Variants in CCDC73 observed in about 807,000 individuals in gnomAD.
CCDC73 encodes coiled-coil domain-containing protein 73.
In CCDC73, 95 loss-of-function variants were observed where a neutral mutation model predicts 116.5. The ratio of observed to expected loss-of-function variants is 0.82; its 90% CI spans 0.69 to 0.97. The LOEUF (loss-of-function observed/expected upper bound fraction) is 0.97. CCDC73 is among the 50% of genes least tolerant of loss of function. The pLI is 0.00. For synonymous variants in CCDC73, 398 were observed against 401.3 expected (o/e 0.99, Z 0.10); for missense variants, 1,066 against 1,206.8 (o/e 0.88, Z 1.73).
At chr11:32,670,654 T>C (rs1856030452) in intron 9 of CCDC73, among the ~76,000 whole-genome samples, 2 of 152,208 alleles carry the variant, frequency 1.3e-5, no homozygotes, top group Non-Finnish European at 2.9e-5. Context: ...TGGCTTTTAA[T>C]TCTCTACATA....
intron 6 of CCDC73, among the ~76,000 whole-genome samples, chr11:32,690,681 C>T (rs1165145667): frequency 1.3e-5 from 2 of 152,148 alleles, no homozygotes; most frequent in Admixed American, 6.5e-5. Flanking sequence ...CTTACTTCCC[C>T]GCCCGCCATG....
chr11:32,699,060 T>C (rs1849786460), intron 6 of CCDC73, among the ~76,000 whole-genome samples, 191 bp downstream of exon 6: 1 of 151,752 alleles, frequency 6.6e-6, no homozygotes, highest in African/African-American at 2.4e-5. Flanking sequence ...TAATATTTCT[T>C]TTTAAAATAA....
At position 32,614,513 on chromosome 11, in the gene CCDC73, T is replaced by C. The variant is rs780868326; in HGVS notation, c.1805A>G (p.Lys602Arg). ...AGTCCCTGGAAGCAATCTGAATTGTTTGAATGGCTCATTTTCAGAAACATC... is the reference window on the plus strand; with the variant it reads ...AGTCCCTGGAAGCAATCTGAATTGTCTGAATGGCTCATTTTCAGAAACATC... Reference protein sequence around the residue: ...NKDVSENEPFKQFRLLPGTRE... With the variant: ...NKDVSENEPFRQFRLLPGTRE... The change falls in exon 16 of 18, where the codon AAA (lysine) becomes AGA (arginine). Residue 602 changes from lysine to arginine, a missense_variant. Physicochemically the swap from Lys to Arg is conservative, Grantham distance 26. Coordinates refer to ENST00000335185, the MANE Select transcript of CCDC73 (RefSeq NM_001008391.4). The C allele has an allele frequency of 1.5e-5, 24 of 1,613,322 alleles. No homozygotes were observed. The highest frequency in any genetic ancestry group is 8.8e-5 in the South Asian group (8 of 91,050).
chr11:32,753,697 C>T (rs938952006), intron 2 of CCDC73, among the ~76,000 whole-genome samples: 1 of 152,084 alleles, frequency 6.6e-6, no homozygotes, highest in Non-Finnish European at 1.5e-5. Context: ...AACTCCTGAC[C>T]TCAAGTGATT....
intron 17 of CCDC73, chr11:32,604,742 T>C (rs994257151): frequency 6.6e-6 from 1 of 152,250 alleles, no homozygotes; most frequent in African/African-American, 2.4e-5. Context: ...CATAAATCTT[T>C]GTGAAGATCT....
rs555943101 is a variant in CCDC73, at chr11:32,737,272, TG to T, written c.136-19126del. On this transcript the variant is annotated intron_variant, in intron 2 of 17. Coordinates refer to ENST00000335185, the MANE Select transcript of CCDC73 (RefSeq NM_001008391.4). ...GTGTGTGTGTGTGTGTGTGTGTGTG[TG>T]TATATACATGGTCCATAGGATATTT... 5.0e-3 allele frequency among the ~76,000 whole-genome samples: 734 copies of T among 146,218 alleles called. 7 individuals carry two copies. Among genetic ancestry groups the T allele is most frequent in the African/African-American group, 0.018 (703 of 38,648 alleles).
rs1021284715 is a variant in CCDC73 at position 32,753,473 on chromosome 11, C to CT, written c.135+6635dup. 7.9e-3 allele frequency among the ~76,000 whole-genome samples: 1,176 copies of CT among 149,176 alleles called. 17 individuals are homozygous for CT. Among genetic ancestry groups the CT allele is most frequent in the African/African-American group, 0.026 (1,067 of 40,698 alleles). ...CCACACCCAGCTAAAATTTTGTTTT[C>CT]TTTTTTTTTGAGACAGAGTCTCACT... On this transcript the variant is annotated intron_variant, in intron 2 of 17. Transcript: ENST00000335185.
chr11:32,653,002 C>T (rs560939895), intron 12 of CCDC73, 121 bp downstream of exon 12: 139 of 558,260 alleles, frequency 2.5e-4, no homozygotes, highest in Non-Finnish European at 3.9e-4. Context: ...ATATCTTACC[C>T]CTAGAATTCA....
intron 2 of CCDC73, among the ~76,000 whole-genome samples, chr11:32,746,967 G>T (rs1850244694): frequency 6.6e-6 from 1 of 152,026 alleles, no homozygotes; most frequent in African/African-American, 2.4e-5. Context: ...TTTTTCCCTT[G>T]CTGGCGAGGA....
intron 11 of CCDC73, 47 bp downstream of exon 11, chr11:32,653,931 G>C: frequency 1.3e-6 from 2 of 1,566,028 alleles, no homozygotes; most frequent in Non-Finnish European, 1.7e-6. Context: ...CATTTTATCT[G>C]ATTTTTAGAA....
At chr11:32,656,984 T>G (rs949347916) in intron 9 of CCDC73, among the ~76,000 whole-genome samples, 4 of 152,216 alleles carry the variant, frequency 2.6e-5, no homozygotes, top group Admixed American at 2.6e-4. Context: ...TAAAATCGTA[T>G]TTAAGCTGTA....
chr11:32,761,100 T>C (rs762751051), intron 1 of CCDC73, among the ~76,000 whole-genome samples: 4 of 152,214 alleles, frequency 2.6e-5, no homozygotes, highest in Non-Finnish European at 5.9e-5. Flanking sequence ...GCAGCTTCTC[T>C]GTGGTCATAC....
intron 2 of CCDC73, among the ~76,000 whole-genome samples, chr11:32,730,948 C>T (rs551472879): frequency 6.6e-6 from 1 of 152,292 alleles, no homozygotes; most frequent in East Asian, 1.9e-4. Context: ...GTGCAGCCCA[C>T]GGACCATGAG....
chr11:32,669,040 G>T (rs1437380208), intron 9 of CCDC73, among the ~76,000 whole-genome samples: 1 of 152,070 alleles, frequency 6.6e-6, no homozygotes, highest in Non-Finnish European at 1.5e-5. Flanking sequence ...ATAACTTATT[G>T]AATTCATAAT....
intron 17 of CCDC73, among the ~76,000 whole-genome samples, chr11:32,609,592 C>A (rs1855394359): frequency 6.7e-6 from 1 of 149,582 alleles, no homozygotes; most frequent in African/African-American, 2.4e-5. Context: ...TTACCCAGTT[C>A]CAAAGTTGCT....
chr11:32,798,988 G>A (rs1850750068), upstream of CCDC73, among the ~76,000 whole-genome samples: 1 of 151,248 alleles, frequency 6.6e-6, no homozygotes. Flanking sequence ...TTGGCTCACT[G>A]CAGCCTTACC....
chr11:32,768,856 A>C (rs914934081), intron 1 of CCDC73, among the ~76,000 whole-genome samples: 1 of 152,180 alleles, frequency 6.6e-6, no homozygotes, highest in Non-Finnish European at 1.5e-5. Flanking sequence ...AAAAAATAAA[A>C]GAAAGAAAAG....
Position 32,635,688 on chromosome 11 carries a change from A to C in CCDC73, c.1185+8T>G. 3 of 1,295,560 alleles carry C rather than the reference A, an allele frequency of 2.3e-6. No homozygotes were observed. Among genetic ancestry groups the C allele is most frequent in the Non-Finnish European group, 3.0e-6 (3 of 1,005,068 alleles). The allele number at this position is 1,295,560 out of a possible 1,614,324, so 80.3% of individuals were successfully genotyped here. On this transcript the variant is annotated splice_region_variant and intron_variant, in intron 14 of 17. Coordinates refer to ENST00000335185, the MANE Select transcript of CCDC73 (RefSeq NM_001008391.4). ...TAGTTTGTACCCCACAACATACTTA[A>C]ATTTTACCTGAAACTTTTTGTCTTC...
intron 3 of CCDC73, among the ~76,000 whole-genome samples, chr11:32,708,326 G>A (rs1281337753): frequency 6.6e-6 from 1 of 152,176 alleles, no homozygotes; most frequent in African/African-American, 2.4e-5. Context: ...ATAGTTTGAA[G>A]TCAGGTAATG....
Sources: allele counts gnomAD v4.1 joint callset (sites outside exome capture counted in the v4.1 genomes callset), GRCh38; gene constraint gnomAD v4.1.1; transcripts MANE v1.5; gene names NCBI Gene and HGNC (gene_info 2026-07-23, HGNC 2026-07-21).